The following ELP4 variants were observed in gnomAD, a reference collection of about 807,000 sequenced individuals.
ELP4 encodes the protein elongator complex protein 4.
ELP4 carries 51 observed loss-of-function variants against 48.9 expected under a neutral mutation model. The ratio of observed to expected loss-of-function variants is 1.04; its 90% CI spans 0.83 to 1.32. The LOEUF is 1.32. Ranked by LOEUF, ELP4 falls within the 40% of genes most tolerant of loss-of-function variation. ELP4 has a pLI of 0.00. For synonymous variants in ELP4, 210 were observed against 189.2 expected, an observed-to-expected ratio of 1.11 and a Z score of -0.90; for missense variants, 519 against 514.6, an observed-to-expected ratio of 1.01 and a Z score of -0.08.
chr11:31,517,091 A>G (rs181476147), intron 1 of ELP4, among the ~76,000 whole-genome samples: 1 of 152,246 alleles, frequency 6.6e-6, no homozygotes, highest in Admixed American at 6.5e-5. Context: ...CATGTTGCAT[A>G]TTATTCTAGG....
At position 31,641,559 on chromosome 11, in the gene ELP4, C is replaced by T. The variant is rs554483184; in HGVS notation, c.928-6182C>T. Among the ~76,000 whole-genome samples the T allele has an allele frequency of 5.3e-5, 8 of 151,892 alleles. 2 individuals carry two copies. The South Asian group carries it at 1.7e-3, about 32-fold the overall frequency. On this transcript the variant is annotated intron_variant, in intron 7 of 9. Coordinates refer to ENST00000640961, the MANE Select transcript of ELP4 (RefSeq NM_019040.5). Reference sequence around the variant, plus strand: ...AAGACACCCTGAGTTTGAAAATGCGCAGACTGAAAGGGGGGCACCTTACAT... The same window carrying T: ...AAGACACCCTGAGTTTGAAAATGCGTAGACTGAAAGGGGGGCACCTTACAT...
Position 31,546,765 on chromosome 11 carries a change from C to G in ELP4, c.381+6982C>G, listed in dbSNP as rs567428224. Among the ~76,000 whole-genome samples, 6 of 151,878 alleles carry G rather than the reference C, an allele frequency of 4.0e-5. No individual in the cohort carries two copies. In the East Asian group the frequency reaches 1.2e-3, roughly 29 times the overall value. ...GCTCTCCTCAGCAAATGTAAAAGAACAGAAATTATAACAAACTGTCTCTCA... is the reference window on the plus strand; with the variant it reads ...GCTCTCCTCAGCAAATGTAAAAGAAGAGAAATTATAACAAACTGTCTCTCA... On this transcript the variant is annotated intron_variant, in intron 3 of 9. Coordinates refer to ENST00000640961, the MANE Select transcript of ELP4 (RefSeq NM_019040.5).
rs375367578 is a variant in ELP4, at chr11:31,787,037, A to T, written c.*3513A>T. The T allele has an allele frequency of 3.6e-5, 8 of 224,338 alleles. No homozygotes were observed. Among genetic ancestry groups the T allele is most frequent in the African/African-American group, 1.1e-4 (5 of 44,746 alleles). The allele number at this position is 224,338 out of a possible 1,614,324, so 13.9% of individuals were successfully genotyped here. On this transcript the variant is annotated 3_prime_UTR_variant, in exon 10 of 10. Transcript: ENST00000640961. ...TGTATCGTTAAATAAATAATAAACA[A>T]AAATTATTTCAACAATGAGTAAAAG...
At chr11:31,642,461 A>C (rs982539360) in intron 7 of ELP4, among the ~76,000 whole-genome samples, 2 of 151,902 alleles carry the variant, frequency 1.3e-5, no homozygotes, top group Non-Finnish European at 2.9e-5. Flanking sequence ...TTGATATCTT[A>C]GCAGTTTTTT....
intron 3 of ELP4, among the ~76,000 whole-genome samples, chr11:31,563,589 G>T (rs1281647495): frequency 6.6e-6 from 1 of 152,050 alleles, no homozygotes; most frequent in Non-Finnish European, 1.5e-5. Context: ...ATTTCAGATA[G>T]GATCTTTAAA....
intron 9 of ELP4, among the ~76,000 whole-genome samples, chr11:31,725,143 G>A (rs1174287772): frequency 6.6e-6 from 1 of 152,144 alleles, no homozygotes; most frequent in Non-Finnish European, 1.5e-5. Context: ...TACCTCTGAG[G>A]CAGGAATCCA....
intron 2 of ELP4, among the ~76,000 whole-genome samples, chr11:31,536,430 C>A (rs1326597208): frequency 6.6e-6 from 1 of 152,184 alleles, no homozygotes; most frequent in South Asian, 2.1e-4. Context: ...CGGCTCACTG[C>A]AACCTCCACT....
intron 1 of ELP4, among the ~76,000 whole-genome samples, chr11:31,517,771 C>T (rs367747367): frequency 2.0e-5 from 3 of 151,996 alleles, no homozygotes; most frequent in South Asian, 4.2e-4. Flanking sequence ...CGGCAGCCAC[C>T]GCGCCCAGCT....
In ELP4 at chr11:31,785,772, A is replaced by G. The variant is rs1347027990; in HGVS notation, c.*2248A>G. ...ACTCATTATGTTAATAACTTACTAC[A>G]TAAACATATCTCTCTTCAATAATGC... On this transcript the variant is annotated 3_prime_UTR_variant, in exon 10 of 10. Transcript: ENST00000640961. The G allele has an allele frequency of 2.1e-5, 4 of 194,052 alleles. No homozygotes were observed. Among genetic ancestry groups the G allele is most frequent in the East Asian group, 8.1e-5 (1 of 12,302 alleles). 12.0% of individuals were successfully genotyped at this position (194,052 alleles called of 1,614,324 possible). A position where few individuals can be genotyped will look rare whatever the true frequency, so the allele number is the denominator to read the frequency against.
intron 9 of ELP4, among the ~76,000 whole-genome samples, chr11:31,748,331 G>C (rs111668103): frequency 6.8e-6 from 1 of 146,062 alleles, no homozygotes; most frequent in Non-Finnish European, 1.5e-5. Context: ...TGCAACCTCC[G>C]CCTCTCAGGT....
At chr11:31,519,967 A>C in intron 1 of ELP4, 89 bp from the exon 2 acceptor site, 3 of 1,221,752 alleles carry the variant, frequency 2.5e-6, no homozygotes, top group Non-Finnish European at 3.5e-6. Flanking sequence ...AAAGTTATTG[A>C]AGTGCCTTTC....
chr11:31,549,557 A>G (rs1956801835), intron 3 of ELP4, among the ~76,000 whole-genome samples: 1 of 151,888 alleles, frequency 6.6e-6, no homozygotes, highest in Non-Finnish European at 1.5e-5. Flanking sequence ...AACTAGTTCA[A>G]CCATTGTGGA....
At chr11:31,560,081 G>A (rs908875301) in intron 3 of ELP4, among the ~76,000 whole-genome samples, 1 of 151,934 alleles carries the variant, frequency 6.6e-6, no homozygotes, top group African/African-American at 2.4e-5. Flanking sequence ...GTTTATTCTG[G>A]AAATATAAAA....
intron 9 of ELP4, among the ~76,000 whole-genome samples, chr11:31,771,013 A>T (rs1350727281): frequency 6.6e-6 from 1 of 152,190 alleles, no homozygotes; most frequent in Non-Finnish European, 1.5e-5. Context: ...AGATGGTGGT[A>T]TATTTATTGC....
chr11:31,663,258 A>T (rs894022201), intron 9 of ELP4: 2 of 152,022 alleles, frequency 1.3e-5, no homozygotes, highest in African/African-American at 2.4e-5. Flanking sequence ...AAAATAAAGC[A>T]TTAACTAGAA....
intron 9 of ELP4, among the ~76,000 whole-genome samples, chr11:31,679,712 A>G (rs1486489853): frequency 1.3e-5 from 2 of 152,208 alleles, no homozygotes; most frequent in Non-Finnish European, 2.9e-5. Flanking sequence ...AGCCCATAAC[A>G]GGTAGTTTCA....
At chr11:31,559,045 C>T (rs1028952562) in intron 3 of ELP4, among the ~76,000 whole-genome samples, 1 of 152,032 alleles carries the variant, frequency 6.6e-6, no homozygotes, top group African/African-American at 2.4e-5. Flanking sequence ...GTCAGCTCCC[C>T]AAATTAACAT....
At chr11:31,632,533 A>T (rs1260496768) in intron 7 of ELP4, 128 bp downstream of exon 7, 2 of 647,064 alleles carry the variant, frequency 3.1e-6, no homozygotes, top group East Asian at 5.8e-5. Flanking sequence ...GGCCATTTGC[A>T]TGTCTTCTTT....
At chr11:31,563,083 C>G (rs1334355666) in intron 3 of ELP4, among the ~76,000 whole-genome samples, 2 of 152,030 alleles carry the variant, frequency 1.3e-5, no homozygotes, top group Admixed American at 6.6e-5. Context: ...AACATACTTA[C>G]TGATACATGG....
Sources: allele counts gnomAD v4.1 joint callset (sites outside exome capture counted in the v4.1 genomes callset), GRCh38; gene constraint gnomAD v4.1.1; transcripts MANE v1.5; gene names NCBI Gene and HGNC (gene_info 2026-07-23, HGNC 2026-07-21).